Variants in MRPL48 observed in about 807,000 individuals in gnomAD.
MRPL48 encodes mitochondrial ribosomal protein L48.
A neutral mutation model predicts 32.9 loss-of-function variants in MRPL48; 16 were observed. That is an observed-to-expected ratio of 0.49 (90% CI 0.33 to 0.74). The LOEUF (loss-of-function observed/expected upper bound fraction) is 0.74. Among genes scored for constraint, MRPL48 ranks in the 30% least tolerant of loss-of-function variants. MRPL48 has a pLI of 0.02. For synonymous variants in MRPL48, 94 were observed against 89.2 expected, an observed-to-expected ratio of 1.05 and a Z score of -0.31; for missense variants, 206 against 245.3, an observed-to-expected ratio of 0.84 and a Z score of 1.07.
chr11:73,851,917 G>A (rs71479560), intron 5 of MRPL48, among the ~76,000 whole-genome samples: 8,362 of 116,196 alleles, frequency 0.072, 260 homozygotes, highest in Middle Eastern at 0.12. Context: ...TTCAGGGAAC[G>A]TACACACACA....
chr11:73,851,117 A>G, intron 5 of MRPL48: 1 of 468,968 alleles, frequency 2.1e-6, no homozygotes, highest in South Asian at 1.6e-5. Context: ...TTTATATACT[A>G]TTTTCTGTCA....
intron 6 of MRPL48, among the ~76,000 whole-genome samples, chr11:73,862,846 G>A (rs1445878673): frequency 6.6e-6 from 1 of 152,094 alleles, no homozygotes; most frequent in East Asian, 1.9e-4. Context: ...TTGAACCCAG[G>A]AGTTCAAGGT....
chr11:73,850,738 G>A (rs1274849265), intron 5 of MRPL48: 2 of 211,214 alleles, frequency 9.5e-6, no homozygotes, highest in East Asian at 1.5e-4. Flanking sequence ...ATGCAGCGGC[G>A]CGATCTCGAC....
chr11:73,797,628 G>C (rs893835136), intron 1 of MRPL48, among the ~76,000 whole-genome samples: 5 of 152,232 alleles, frequency 3.3e-5, no homozygotes, highest in African/African-American at 1.2e-4. Flanking sequence ...TGCCCGCCCT[G>C]CTGCAGCAGC....
intron 3 of MRPL48, among the ~76,000 whole-genome samples, chr11:73,810,717 C>A (rs532416789): frequency 6.6e-6 from 1 of 151,758 alleles, no homozygotes; most frequent in East Asian, 1.9e-4. Context: ...AGCCCCCCAC[C>A]CCCCGAGAGG....
chr11:73,853,878 G>C (rs1252289725), intron 5 of MRPL48, among the ~76,000 whole-genome samples: 3 of 151,768 alleles, frequency 2.0e-5, no homozygotes. Flanking sequence ...TTTTAGTAGG[G>C]AGGGGGTTTC....
chr11:73,809,392 T>A (rs1432591325), intron 3 of MRPL48, among the ~76,000 whole-genome samples: 1 of 151,230 alleles, frequency 6.6e-6, no homozygotes, highest in Non-Finnish European at 1.5e-5. Flanking sequence ...TAGTCCCAGC[T>A]ACTCGGGAGG....
intron 1 of MRPL48, among the ~76,000 whole-genome samples, chr11:73,795,535 G>A (rs1435564950): frequency 2.0e-5 from 3 of 149,198 alleles, no homozygotes; most frequent in South Asian, 2.1e-4. Flanking sequence ...TTTTGAGACC[G>A]AGTCTCTGTC....
chr11:73,837,050 T>C (rs1948116207), intron 4 of MRPL48, among the ~76,000 whole-genome samples: 3 of 151,616 alleles, frequency 2.0e-5, no homozygotes. Flanking sequence ...TTATGGACTG[T>C]TGATAGTACT....
At chr11:73,797,981 C>T (rs1947288847) in intron 1 of MRPL48, among the ~76,000 whole-genome samples, 1 of 152,196 alleles carries the variant, frequency 6.6e-6, no homozygotes, top group Non-Finnish European at 1.5e-5. Flanking sequence ...AAAACTTGTG[C>T]TCCTAACAGC....
chr11:73,841,552 T>A (rs1227200058), intron 4 of MRPL48, among the ~76,000 whole-genome samples: 2 of 152,236 alleles, frequency 1.3e-5, no homozygotes, highest in African/African-American at 4.8e-5. Context: ...AATGTATCTA[T>A]CATTCCATTT....
intron 3 of MRPL48, among the ~76,000 whole-genome samples, chr11:73,819,880 A>G (rs1947742157): frequency 6.6e-6 from 1 of 152,222 alleles, no homozygotes; most frequent in South Asian, 2.1e-4. Context: ...CCTGGGCAAC[A>G]GAGCGGTTCC....
intron 4 of MRPL48, among the ~76,000 whole-genome samples, chr11:73,833,051 A>G (rs1198335391): frequency 6.6e-6 from 1 of 152,170 alleles, no homozygotes; most frequent in African/African-American, 2.4e-5. Flanking sequence ...GATGTTTTAC[A>G]TGGTAAATCC....
intron 5 of MRPL48, chr11:73,851,287 T>TA: frequency 3.8e-6 from 1 of 263,762 alleles, no homozygotes; most frequent in South Asian, 4.1e-5. Context: ...AATCAAGGCT[T>TA]AGAAAGGCTG....
intron 4 of MRPL48, among the ~76,000 whole-genome samples, chr11:73,836,149 C>T (rs981389312): frequency 6.6e-6 from 1 of 151,348 alleles, no homozygotes; most frequent in African/African-American, 2.4e-5. Flanking sequence ...GACAGGGTCT[C>T]ACTCTGTCAC....
chr11:73,814,993 CATAA>C lies in MRPL48; in HGVS notation c.112+6669_112+6672del, dbSNP rs142219300. On this transcript the variant is annotated intron_variant, in intron 3 of 7. Transcript: ENST00000310614. ...AGGATGACAGAGCAAGACTTGGTCT[CATAA>C]ATAAATAAATAAATAAATAAATAAA... Among the ~76,000 whole-genome samples, 323 of 149,164 alleles carry C rather than the reference CATAA, an allele frequency of 2.2e-3. 1 individual carries two copies. Among genetic ancestry groups the C allele is most frequent in the Non-Finnish European group, 3.0e-3 (204 of 67,504 alleles).
chr11:73,795,569 C>A (rs147796499), intron 1 of MRPL48, among the ~76,000 whole-genome samples: 1 of 151,534 alleles, frequency 6.6e-6, no homozygotes, highest in Non-Finnish European at 1.5e-5. Flanking sequence ...TACAGTGGCG[C>A]GATCTCCGCT....
chr11:73,860,985 C>T (rs907339125), intron 6 of MRPL48, among the ~76,000 whole-genome samples: 1 of 152,130 alleles, frequency 6.6e-6, no homozygotes, highest in East Asian at 1.9e-4. Flanking sequence ...AGACTTCTTT[C>T]ATTTAGCGTA....
In MRPL48 at chr11:73,857,498, T is replaced by C. The variant is rs76803494; in HGVS notation, c.372-2409T>C. Among the ~76,000 whole-genome samples the C allele has an allele frequency of 8.5e-4, 129 of 151,864 alleles. 2 individuals are homozygous for C. The East Asian group carries it at 0.024, about 29-fold the overall frequency. On this transcript the variant is annotated intron_variant, in intron 5 of 7. Coordinates refer to ENST00000310614, the MANE Select transcript of MRPL48 (RefSeq NM_016055.6). ...TCTCAGTAGGTTGCCCAGGCTAGTC[T>C]TGAACTCCTGGGCTTAAGCAATCCT...
Sources: allele counts gnomAD v4.1 joint callset (sites outside exome capture counted in the v4.1 genomes callset), GRCh38; gene constraint gnomAD v4.1.1; transcripts MANE v1.5; gene names NCBI Gene and HGNC (gene_info 2026-07-23, HGNC 2026-07-21).